SLC6A5: variants seen among roughly 807,000 people sequenced by gnomAD.
SLC6A5 encodes the protein solute carrier family 6 member 5.
A neutral mutation model predicts 90.5 loss-of-function variants in SLC6A5; 58 were observed. The observed-to-expected ratio is 0.64, with a 90% confidence interval of 0.52 to 0.80. SLC6A5 has a LOEUF of 0.80. Among genes scored for constraint, SLC6A5 ranks in the 30% least tolerant of loss-of-function variants. The probability of loss-of-function intolerance (pLI) is 0.00; values close to 1 mark genes in which losing one functional copy is unlikely to be tolerated. For missense variants in SLC6A5, 1,015 were observed against 1,017.6 expected, an observed-to-expected ratio of 1.00 and a Z score of 0.03; for synonymous variants, 427 against 401.4, an observed-to-expected ratio of 1.06 and a Z score of -0.76.
chr11:20,637,580 C>A (rs139249706), intron 12 of SLC6A5, among the ~76,000 whole-genome samples: 22 of 152,152 alleles, frequency 1.4e-4, no homozygotes, highest in South Asian at 6.2e-4. Flanking sequence ...GGTGCAGTGG[C>A]GCATGTCTCT....
Position 20,658,954 on chromosome 11 carries a change from G to T in SLC6A5, c.*4086G>T, listed in dbSNP as rs1853668669. The T allele has an allele frequency of 6.6e-6, 1 of 151,714 alleles. No individual in the cohort carries two copies. The highest frequency in any genetic ancestry group is 2.1e-4 in the South Asian group (1 of 4,806). The allele number at this position is 151,714 out of a possible 1,614,324, so 9.4% of individuals were successfully genotyped here. A position where few individuals can be genotyped will look rare whatever the true frequency, so the allele number is the denominator to read the frequency against. The stretch of plus-strand genomic sequence containing the variant: ...TCCTAAATGCAGGCATCTTTTGTGG[G>T]TACTGTTGCCCATGAATAAACATAT... On this transcript the variant is annotated 3_prime_UTR_variant, in exon 16 of 16. Coordinates refer to ENST00000525748, the MANE Select transcript of SLC6A5 (RefSeq NM_004211.5).
chr11:20,646,561 A>C (rs991493653), intron 13 of SLC6A5, among the ~76,000 whole-genome samples: 3 of 152,170 alleles, frequency 2.0e-5, no homozygotes, highest in African/African-American at 7.2e-5. Context: ...GCCAGGCTGG[A>C]ACTGAACTTT....
chr11:20,599,655 C>T lies in SLC6A5; in HGVS notation c.-18C>T, dbSNP rs762532461. ...GGGTTTCACCCTCCACCAGTTCAGT[C>T]TGTTGCCTGTGTCAGACATGGTGAG... On this transcript the variant is annotated 5_prime_UTR_variant, in exon 1 of 16. Transcript: ENST00000525748. The T allele has an allele frequency of 3.7e-6, 6 of 1,614,016 alleles. No homozygotes were observed. The East Asian group carries it at 1.1e-4, about 30-fold the overall frequency.
chr11:20,603,311 T>G (rs991580260), intron 2 of SLC6A5, among the ~76,000 whole-genome samples: 1 of 152,150 alleles, frequency 6.6e-6, no homozygotes, highest in African/African-American at 2.4e-5. Flanking sequence ...TTATTTGGGG[T>G]GGTCTCCCCC....
chr11:20,644,327 A>G (rs993236111), intron 13 of SLC6A5, among the ~76,000 whole-genome samples: 1 of 152,180 alleles, frequency 6.6e-6, no homozygotes, highest in Non-Finnish European at 1.5e-5. Flanking sequence ...GTAAGTGAGA[A>G]CATACAGTGT....
intron 9 of SLC6A5, 58 bp downstream of exon 9, chr11:20,628,141 C>T (rs1464851435): frequency 7.5e-7 from 1 of 1,341,140 alleles, no homozygotes; most frequent in Non-Finnish European, 1.1e-6. Flanking sequence ...GAAGAATGGA[C>T]TGAGTTATCA....
At chr11:20,616,427 T>C (rs1852784222) in intron 6 of SLC6A5, among the ~76,000 whole-genome samples, 1 of 152,210 alleles carries the variant, frequency 6.6e-6, no homozygotes, top group Non-Finnish European at 1.5e-5. Context: ...AAACCTGCTT[T>C]TGATGGCCTT....
At chr11:20,643,448 T>G (rs1400156300) in intron 13 of SLC6A5, among the ~76,000 whole-genome samples, 2 of 152,194 alleles carry the variant, frequency 1.3e-5, no homozygotes, top group Non-Finnish European at 2.9e-5. Context: ...ATGCAGTTCT[T>G]GCCTGTAGAC....
intron 14 of SLC6A5, among the ~76,000 whole-genome samples, chr11:20,647,825 A>G (rs1331294668): frequency 6.6e-6 from 1 of 152,232 alleles, no homozygotes; most frequent in African/African-American, 2.4e-5. Flanking sequence ...ACTGTTCAAC[A>G]CAGCTGCTCT....
intron 9 of SLC6A5, among the ~76,000 whole-genome samples, 182 bp from the exon 10 acceptor site, chr11:20,630,509 G>A (rs541468407): frequency 8.5e-5 from 13 of 152,342 alleles, no homozygotes; most frequent in Non-Finnish European, 1.5e-4. Context: ...AGGGGATATC[G>A]TCTGAGCCTT....
chr11:20,600,874 C>T (rs1316825986), intron 1 of SLC6A5, among the ~76,000 whole-genome samples: 1 of 152,166 alleles, frequency 6.6e-6, no homozygotes, highest in Non-Finnish European at 1.5e-5. Flanking sequence ...TACAAAATTA[C>T]ATTTCTACCT....
chr11:20,627,100 C>T (rs1210572000), intron 8 of SLC6A5, among the ~76,000 whole-genome samples: 1 of 152,162 alleles, frequency 6.6e-6, no homozygotes, highest in African/African-American at 2.4e-5. Flanking sequence ...CCCTTAATAG[C>T]TTTGGGCCAA....
In SLC6A5 at chr11:20,657,776, C is replaced by T. The variant is rs1853654771; in HGVS notation, c.*2908C>T. The T allele has an allele frequency of 6.6e-6, 1 of 152,158 alleles. No homozygotes were observed. The highest frequency in any genetic ancestry group is 2.4e-5 in the African/African-American group (1 of 41,434). 9.4% of individuals were successfully genotyped at this position (152,158 alleles called of 1,614,324 possible). Reference sequence around the variant, plus strand: ...AAAGCCATATGTGAAAAACAGTAATCCTGTCATATCCTTAGAGGAGAAAAA... The same window carrying T: ...AAAGCCATATGTGAAAAACAGTAATTCTGTCATATCCTTAGAGGAGAAAAA... On this transcript the variant is annotated 3_prime_UTR_variant, in exon 16 of 16. Transcript: ENST00000525748.
chr11:20,617,056 G>A (rs1852796030), intron 6 of SLC6A5, among the ~76,000 whole-genome samples: 1 of 152,156 alleles, frequency 6.6e-6, no homozygotes, highest in African/African-American at 2.4e-5. Context: ...TCAGGGGTGG[G>A]GCTGCCCTGC....
intron 10 of SLC6A5, among the ~76,000 whole-genome samples, chr11:20,632,491 A>G (rs1179458312): frequency 6.6e-6 from 1 of 151,878 alleles, no homozygotes; most frequent in Non-Finnish European, 1.5e-5. Context: ...ATGTTTTTTC[A>G]CTTCCTTTGA....
chr11:20,625,396 G>A (rs1852973737), intron 7 of SLC6A5, among the ~76,000 whole-genome samples: 1 of 152,044 alleles, frequency 6.6e-6, no homozygotes, highest in Non-Finnish European at 1.5e-5. Context: ...TGAATAGCTG[G>A]GATTATAGGA....
intron 14 of SLC6A5, among the ~76,000 whole-genome samples, chr11:20,650,711 G>A (rs1853511300): frequency 7.4e-6 from 1 of 135,444 alleles, no homozygotes; most frequent in South Asian, 2.5e-4. Context: ...CTGTCGCCCA[G>A]GCTGGAGTGC....
chr11:20,624,715 G>A (rs887519816), intron 7 of SLC6A5, among the ~76,000 whole-genome samples: 3 of 152,200 alleles, frequency 2.0e-5, no homozygotes, highest in Non-Finnish European at 1.5e-5. Flanking sequence ...CATGGATCCC[G>A]AGAGCCCAGA....
intron 13 of SLC6A5, among the ~76,000 whole-genome samples, chr11:20,643,878 T>C (rs1353206650): frequency 1.3e-5 from 2 of 152,168 alleles, no homozygotes; most frequent in Admixed American, 6.5e-5. Context: ...GAGGGGTGGC[T>C]GACATTCTCA....
Sources: allele counts gnomAD v4.1 joint callset (sites outside exome capture counted in the v4.1 genomes callset), GRCh38; gene constraint gnomAD v4.1.1; transcripts MANE v1.5; gene names NCBI Gene and HGNC (gene_info 2026-07-23, HGNC 2026-07-21).